Variants in MITF observed in about 807,000 individuals in gnomAD.
MITF encodes the protein melanocyte inducing transcription factor, also known as microphthalmia-associated transcription factor.
A neutral mutation model predicts 60.5 loss-of-function variants in MITF; 17 were observed. That is an observed-to-expected ratio of 0.28 (90% CI 0.19 to 0.42). MITF has a LOEUF of 0.42. MITF is among the 10% of genes least tolerant of loss of function. The probability of loss-of-function intolerance (pLI) is 1.00; values close to 1 mark genes in which losing one functional copy is unlikely to be tolerated. For missense variants in MITF, 622 were observed against 683.5 expected (o/e 0.91, Z 1.00); for synonymous variants, 260 against 248.5 (o/e 1.05, Z -0.43).
chr3:69,884,050 G>A (rs561835352), intron 2 of MITF, among the ~76,000 whole-genome samples: 10 of 152,234 alleles, frequency 6.6e-5, no homozygotes, highest in African/African-American at 1.9e-4. Flanking sequence ...TTTCCCTGCA[G>A]AATCTGAATC....
At chr3:69,775,128 T>C (rs1005218127) in intron 1 of MITF, among the ~76,000 whole-genome samples, 7 of 152,220 alleles carry the variant, frequency 4.6e-5, no homozygotes, top group African/African-American at 1.4e-4. Flanking sequence ...TTTTCTTTTA[T>C]GGTTTCCTAA....
At chr3:69,860,855 G>C (rs2064004073) in intron 1 of MITF, among the ~76,000 whole-genome samples, 1 of 152,046 alleles carries the variant, frequency 6.6e-6, no homozygotes, top group Non-Finnish European at 1.5e-5. Context: ...TGGTTTCCGG[G>C]GACAATGAGC....
intron 9 of MITF, among the ~76,000 whole-genome samples, chr3:69,960,961 G>C (rs2066526783): frequency 6.6e-6 from 1 of 152,208 alleles, no homozygotes; most frequent in African/African-American, 2.4e-5. Flanking sequence ...AGTAGAGGTA[G>C]TGTGTAATTT....
At chr3:69,761,592 A>G (rs1160880849) in intron 1 of MITF, among the ~76,000 whole-genome samples, 1 of 152,206 alleles carries the variant, frequency 6.6e-6, no homozygotes, top group African/African-American at 2.4e-5. Flanking sequence ...TTTCTTATGA[A>G]GTAAAGGCAG....
At chr3:69,863,058 A>T (rs917254547) in intron 1 of MITF, among the ~76,000 whole-genome samples, 1 of 152,086 alleles carries the variant, frequency 6.6e-6, no homozygotes, top group Admixed American at 6.6e-5. Flanking sequence ...AACACATCTG[A>T]ATAGTACAGA....
intron 2 of MITF, among the ~76,000 whole-genome samples, chr3:69,926,708 G>A (rs1374297365): frequency 6.6e-6 from 1 of 152,096 alleles, no homozygotes; most frequent in Non-Finnish European, 1.5e-5. Flanking sequence ...CATTATAAAG[G>A]CACTATTGAA....
At chr3:69,862,231 T>C (rs988037110) in intron 1 of MITF, among the ~76,000 whole-genome samples, 1 of 152,108 alleles carries the variant, frequency 6.6e-6, no homozygotes, top group Admixed American at 6.6e-5. Context: ...AAATCTCCTG[T>C]ATTTATTTTA....
chr3:69,791,042 C>T (rs771621415), intron 1 of MITF, among the ~76,000 whole-genome samples: 19 of 152,294 alleles, frequency 1.2e-4, no homozygotes, highest in Admixed American at 9.1e-4. Context: ...GTTTGAGGTC[C>T]TAGAGTTATC....
rs2066684779 is a variant in MITF at position 69,966,114 on chromosome 3, T to C, written c.*866T>C. On this transcript the variant is annotated 3_prime_UTR_variant, in exon 10 of 10. Transcript: ENST00000352241. ...TGATAAGAAAACCGAACTGGGCATA[T>C]TTCTAATTGGCTTTACTATTTTTAT... The C allele has an allele frequency of 4.3e-6, 1 of 232,798 alleles. No individual in the cohort carries two copies. Among genetic ancestry groups the C allele is most frequent in the Non-Finnish European group, 8.5e-6 (1 of 117,634 alleles). The allele number at this position is 232,798 out of a possible 1,614,324, so 14.4% of individuals were successfully genotyped here.
At chr3:69,946,700 G>C (rs925950727) in intron 5 of MITF, among the ~76,000 whole-genome samples, 1 of 152,198 alleles carries the variant, frequency 6.6e-6, no homozygotes, top group African/African-American at 2.4e-5. Context: ...AAATCTTTCA[G>C]AGAAGTAGAT....
At chr3:69,913,617 C>T (rs1006553912) in intron 2 of MITF, among the ~76,000 whole-genome samples, 1 of 152,186 alleles carries the variant, frequency 6.6e-6, no homozygotes, top group Non-Finnish European at 1.5e-5. Flanking sequence ...TTGACTGCAT[C>T]TCATTTATGA....
chr3:69,883,613 C>T (rs1275543076), intron 2 of MITF, among the ~76,000 whole-genome samples: 1 of 152,126 alleles, frequency 6.6e-6, no homozygotes, highest in African/African-American at 2.4e-5. Context: ...AGGGACTTCT[C>T]CCACAACCTA....
intron 1 of MITF, among the ~76,000 whole-genome samples, chr3:69,783,837 T>C (rs2062606295): frequency 6.6e-6 from 1 of 152,198 alleles, no homozygotes; most frequent in Admixed American, 6.5e-5. Flanking sequence ...CTGTCTCTAC[T>C]GATTTGAGGT....
At position 69,964,659 on chromosome 3, in the gene MITF, G is replaced by A. The variant is rs76843627; in HGVS notation, c.1180-188G>A. ...CACATTTATTAGAATCAATGAACCC[G>A]CAGTGACATTTCATTATCCTCCAAA... On this transcript the variant is annotated intron_variant, in intron 9 of 9. Transcript: ENST00000352241. 0.024 allele frequency among the ~76,000 whole-genome samples: 1,909 copies of A among 79,480 alleles called. 465 individuals are homozygous for A. The highest frequency in any genetic ancestry group is 0.095 in the African/African-American group (1,816 of 19,106). 52.1% of individuals were successfully genotyped at this position (79,480 alleles called of 152,430 possible).
intron 1 of MITF, among the ~76,000 whole-genome samples, chr3:69,782,777 T>G (rs2062586747): frequency 6.6e-6 from 1 of 152,228 alleles, no homozygotes; most frequent in Non-Finnish European, 1.5e-5. Context: ...TCATAAATTT[T>G]GAATATCCTT....
intron 1 of MITF, among the ~76,000 whole-genome samples, chr3:69,820,015 G>A (rs1163005477): frequency 6.6e-6 from 1 of 152,116 alleles, no homozygotes; most frequent in Admixed American, 6.6e-5. Flanking sequence ...GAGCATTGAT[G>A]TCCAATGTGG....
At chr3:69,740,928 G>GC (rs1206321780) in intron 1 of MITF, among the ~76,000 whole-genome samples, 1 of 152,192 alleles carries the variant, frequency 6.6e-6, no homozygotes, top group Non-Finnish European at 1.5e-5. Context: ...CCTCTGGCGA[G>GC]CACTGGGCTG....
At chr3:69,786,614 C>T (rs1279576350) in intron 1 of MITF, among the ~76,000 whole-genome samples, 1 of 152,138 alleles carries the variant, frequency 6.6e-6, no homozygotes, top group Non-Finnish European at 1.5e-5. Context: ...ACCGAGATGA[C>T]TGGTGACAAT....
chr3:69,877,653 G>C (rs2064386177), intron 1 of MITF, among the ~76,000 whole-genome samples: 1 of 152,032 alleles, frequency 6.6e-6, no homozygotes, highest in South Asian at 2.1e-4. Context: ...CTGTTAAATT[G>C]TTATTGTGTA....
Sources: allele counts gnomAD v4.1 joint callset (sites outside exome capture counted in the v4.1 genomes callset), GRCh38; gene constraint gnomAD v4.1.1; transcripts MANE v1.5; gene names NCBI Gene and HGNC (gene_info 2026-07-23, HGNC 2026-07-21).